FBXL20: variants seen among roughly 807,000 people sequenced by gnomAD.
FBXL20 encodes F-box and leucine rich repeat protein 20.
Under a neutral mutation model 64.0 loss-of-function variants are expected in FBXL20, and 11 were observed. That is an observed-to-expected ratio of 0.17 (90% CI 0.11 to 0.28). The LOEUF is 0.28. Among genes scored for constraint, FBXL20 ranks in the 10% least tolerant of loss-of-function variants. FBXL20 has a pLI of 1.00. For missense variants in FBXL20, 303 were observed against 526.2 expected (o/e 0.58, Z 4.15); for synonymous variants, 184 against 189.0 (o/e 0.97, Z 0.22).
intron 10 of FBXL20, among the ~76,000 whole-genome samples, chr17:39,273,032 AAGG>A (rs2046860333): frequency 6.6e-6 from 1 of 152,102 alleles, no homozygotes; most frequent in Non-Finnish European, 1.5e-5. Flanking sequence ...TTGTAGGCAA[AAGG>A]TTTTTTTGTT....
At chr17:39,366,354 C>T (rs1270778462) in intron 1 of FBXL20, among the ~76,000 whole-genome samples, 1 of 152,160 alleles carries the variant, frequency 6.6e-6, no homozygotes, top group Non-Finnish European at 1.5e-5. Flanking sequence ...TTTCCATATG[C>T]TCAAATGCAT....
chr17:39,324,306 T>C (rs1201924499), intron 2 of FBXL20, among the ~76,000 whole-genome samples: 1 of 149,268 alleles, frequency 6.7e-6, no homozygotes, highest in Non-Finnish European at 1.5e-5. Flanking sequence ...CTTTTTTTTT[T>C]AGACAAGAGT....
intron 1 of FBXL20, among the ~76,000 whole-genome samples, chr17:39,393,962 T>C (rs1431584124): frequency 6.6e-6 from 1 of 152,212 alleles, no homozygotes; most frequent in Non-Finnish European, 1.5e-5. Flanking sequence ...CAAGTAAAAA[T>C]GTTTTATATA....
At chr17:39,324,910 A>T (rs925399065) in intron 2 of FBXL20, among the ~76,000 whole-genome samples, 13 of 152,224 alleles carry the variant, frequency 8.5e-5, no homozygotes, top group African/African-American at 3.1e-4. Context: ...CAAGGTCAAG[A>T]ATCATTCTTT....
chr17:39,261,208 A>G lies in FBXL20; in HGVS notation c.*252T>C. On this transcript the variant is annotated 3_prime_UTR_variant, in exon 15 of 15. Transcript: ENST00000264658. Reference sequence around the variant, plus strand: ...TTTTCTTATGGGCACCTCAACAGGAATGGTTAAATTTTACCAATCTACTTG... The same window carrying G: ...TTTTCTTATGGGCACCTCAACAGGAGTGGTTAAATTTTACCAATCTACTTG... 2.5e-6 allele frequency: 1 copy of G among 401,348 alleles called. No homozygotes were observed. The highest frequency in any genetic ancestry group is 4.6e-6 in the Non-Finnish European group (1 of 217,252). 24.9% of individuals were successfully genotyped at this position (401,348 alleles called of 1,614,324 possible).
At chr17:39,293,384 G>A (rs757912441) in intron 6 of FBXL20, among the ~76,000 whole-genome samples, 3 of 151,286 alleles carry the variant, frequency 2.0e-5, no homozygotes, top group African/African-American at 2.4e-5. Flanking sequence ...ACCACGGCCT[G>A]GCTAATTTTT....
At position 39,275,111 on chromosome 17, in the gene FBXL20, A is replaced by G. The variant is rs368704165; in HGVS notation, c.697-11T>C. ...TTCATCTGTGATTTGCTAAAAAACA[A>G]GAGCAAAAAAATCCATAGATATTAG... On this transcript the variant is annotated splice_polypyrimidine_tract_variant and intron_variant, in intron 9 of 14. Transcript: ENST00000264658. The G allele has an allele frequency of 6.3e-7, 1 of 1,599,970 alleles. No homozygotes were observed. The highest frequency in any genetic ancestry group is 1.8e-5 in the Admixed American group (1 of 56,300).
At chr17:39,402,189 A>G (rs2048254777), upstream of FBXL20, 1 of 1,232,066 alleles carries the variant, frequency 8.1e-7, no homozygotes. Flanking sequence ...CTTGAACCCA[A>G]AGTGCAGCAG....
chr17:39,342,472 T>C (rs561527889), intron 2 of FBXL20, among the ~76,000 whole-genome samples: 2 of 151,954 alleles, frequency 1.3e-5, no homozygotes, highest in East Asian at 3.9e-4. Context: ...TCCCAGCACT[T>C]TGGGAGGCCA....
At chr17:39,276,932 C>CA (rs1402896953) in intron 9 of FBXL20, among the ~76,000 whole-genome samples, 7 of 151,610 alleles carry the variant, frequency 4.6e-5, no homozygotes, top group East Asian at 1.9e-4. Context: ...CTCCCGTAAA[C>CA]AAAAAAAAGG....
intron 1 of FBXL20, among the ~76,000 whole-genome samples, chr17:39,347,199 T>C (rs1198439698): frequency 6.6e-6 from 1 of 152,234 alleles, no homozygotes; most frequent in Non-Finnish European, 1.5e-5. Context: ...CCTTTGGGTA[T>C]ATACCCAGTA....
Position 39,321,771 on chromosome 17 carries a change from AT to A in FBXL20, c.105-18133del, listed in dbSNP as rs1290925260. ...CTCCAGCCTGGGCAACAAGAGTGAA[AT>A]TCTGTCTCAAAAAAAAAAAAAAAAA... On this transcript the variant is annotated intron_variant, in intron 2 of 14. Transcript: ENST00000264658. 5.4e-5 allele frequency among the ~76,000 whole-genome samples: 8 copies of A among 148,352 alleles called. 1 individual carries two copies. In the South Asian group the frequency reaches 1.8e-3, roughly 33 times the overall value.
At chr17:39,285,987 A>C (rs2046985075) in intron 6 of FBXL20, among the ~76,000 whole-genome samples, 1 of 152,216 alleles carries the variant, frequency 6.6e-6, no homozygotes, top group South Asian at 2.1e-4. Context: ...ATCCCTACTC[A>C]AGATAACCTT....
chr17:39,322,948 G>A (rs2047371758), intron 2 of FBXL20, among the ~76,000 whole-genome samples: 1 of 148,628 alleles, frequency 6.7e-6, no homozygotes, highest in Admixed American at 6.8e-5. Flanking sequence ...AGGACTACAG[G>A]CACCAGCCAC....
intron 1 of FBXL20, among the ~76,000 whole-genome samples, chr17:39,374,219 C>T (rs1009567296): frequency 8.7e-5 from 13 of 150,286 alleles, no homozygotes; most frequent in Non-Finnish European, 1.6e-4. Context: ...AGCAAAACTA[C>T]GTCTCAAAGA....
intron 6 of FBXL20, among the ~76,000 whole-genome samples, chr17:39,287,824 A>G (rs2047002071): frequency 1.3e-5 from 2 of 152,106 alleles, no homozygotes; most frequent in African/African-American, 4.8e-5. Context: ...ACCATTTTAC[A>G]TTCCCGCCAG....
At chr17:39,381,830 C>T (rs1394587448) in intron 1 of FBXL20, among the ~76,000 whole-genome samples, 2 of 151,114 alleles carry the variant, frequency 1.3e-5, no homozygotes, top group African/African-American at 2.4e-5. Context: ...GGCACAGTGG[C>T]TCATGCCTGT....
intron 2 of FBXL20, among the ~76,000 whole-genome samples, chr17:39,321,120 C>T (rs2047351952): frequency 1.3e-5 from 2 of 151,398 alleles, no homozygotes; most frequent in Non-Finnish European, 1.5e-5. Context: ...AAGAATACTC[C>T]CAGTATATTT....
chr17:39,264,416 T>C (rs756834570), intron 13 of FBXL20, 29 bp from the exon 14 acceptor site: 7 of 1,603,304 alleles, frequency 4.4e-6, no homozygotes, highest in Non-Finnish European at 6.0e-6. Context: ...AGGAAGGATG[T>C]TGAAATATCT....
Sources: gnomAD v4.1 joint callset for allele counts (sites outside exome capture counted in the v4.1 genomes callset) on GRCh38, gnomAD v4.1.1 for gene constraint, MANE v1.5 for transcripts, NCBI Gene and HGNC (gene_info 2026-07-23, HGNC 2026-07-21) for gene names.